Variants in SRPRB observed in about 807,000 individuals in gnomAD.
SRPRB encodes signal recognition particle receptor subunit beta.
Under a neutral mutation model 31.9 loss-of-function variants are expected in SRPRB, and 20 were observed. That is an observed-to-expected ratio of 0.63 (90% confidence interval 0.44 to 0.91). The LOEUF (loss-of-function observed/expected upper bound fraction) is 0.91, where lower values mean the gene tolerates loss of function less well. SRPRB is among the 40% of genes least tolerant of loss of function. SRPRB has a pLI of 0.00. For synonymous variants in SRPRB, 146 were observed against 132.8 expected, an observed-to-expected ratio of 1.10 and a Z score of -0.68; for missense variants, 321 against 324.9, an observed-to-expected ratio of 0.99 and a Z score of 0.09.
At chr3:133,798,513 T>C (rs1239583648) in intron 1 of SRPRB, among the ~76,000 whole-genome samples, 1 of 152,244 alleles carries the variant, frequency 6.6e-6, no homozygotes, top group Non-Finnish European at 1.5e-5. Flanking sequence ...TAATTGGAAC[T>C]CTGCCAATGC....
At chr3:133,796,481 A>G (rs1934975465) in intron 1 of SRPRB, 1 of 152,274 alleles carries the variant, frequency 6.6e-6, no homozygotes, top group African/African-American at 2.4e-5. Flanking sequence ...TGTCTTCTGT[A>G]TTTACATAGG....
intron 1 of SRPRB, chr3:133,795,310 T>A (rs1307032517): frequency 6.6e-6 from 1 of 152,210 alleles, no homozygotes; most frequent in Non-Finnish European, 1.5e-5. Flanking sequence ...CTGATAGTCA[T>A]AATAATAGTC....
intron 4 of SRPRB, 97 bp downstream of exon 4, chr3:133,811,296 T>C (rs1427897516): frequency 8.0e-7 from 1 of 1,250,490 alleles, no homozygotes; most frequent in Admixed American, 1.9e-5. Flanking sequence ...GGAGGCAGCA[T>C]GGTATCCTGT....
At chr3:133,809,725 G>A (rs1454442267) in intron 3 of SRPRB, among the ~76,000 whole-genome samples, 3 of 152,020 alleles carry the variant, frequency 2.0e-5, no homozygotes, top group Non-Finnish European at 2.9e-5. Flanking sequence ...TAAGTGTGAA[G>A]TACACACCAG....
At chr3:133,798,145 A>T (rs1935006570) in intron 1 of SRPRB, among the ~76,000 whole-genome samples, 1 of 152,230 alleles carries the variant, frequency 6.6e-6, no homozygotes, top group Non-Finnish European at 1.5e-5. Flanking sequence ...CAATTTGTAA[A>T]TATCTTTTTG....
intron 1 of SRPRB, chr3:133,793,943 A>G (rs898271703): frequency 1.3e-5 from 2 of 152,236 alleles, no homozygotes; most frequent in African/African-American, 4.8e-5. Context: ...ACAAAAATTA[A>G]TTAAATACCA....
chr3:133,805,070 A>G (rs1366344679), upstream of SRPRB, among the ~76,000 whole-genome samples: 1 of 152,232 alleles, frequency 6.6e-6, no homozygotes, highest in African/African-American at 2.4e-5. Context: ...CCGGCCACCC[A>G]GGTCCCATAA....
At chr3:133,791,448 T>A (rs1056701752) in intron 1 of SRPRB, 3 of 152,182 alleles carry the variant, frequency 2.0e-5, no homozygotes, top group African/African-American at 7.2e-5. Context: ...AGGGTAAGAA[T>A]TTCTTACCAG....
upstream of SRPRB, among the ~76,000 whole-genome samples, chr3:133,802,471 C>G (rs1935076434): frequency 6.6e-6 from 1 of 152,114 alleles, no homozygotes; most frequent in Non-Finnish European, 1.5e-5. Context: ...ACATTAGAAA[C>G]TATCTTCATG....
In SRPRB at chr3:133,819,986, C is replaced by T. The variant is rs115480128; in HGVS notation, c.*220C>T. ...TGCCTTTCAAACAAGTACCTTTTAT[C>T]TGATGCCTGTATCTTCCCTTTGTTA... On this transcript the variant is annotated 3_prime_UTR_variant, in exon 7 of 7. Transcript: ENST00000678299. 247 of 520,060 alleles carry T rather than the reference C, an allele frequency of 4.7e-4. No homozygotes were observed. In the African/African-American group the frequency reaches 4.9e-3, roughly 10 times the overall value. The allele number at this position is 520,060 out of a possible 1,614,324, so 32.2% of individuals were successfully genotyped here. A position where few individuals can be genotyped will look rare whatever the true frequency, so the allele number is the denominator to read the frequency against.
At chr3:133,819,178 C>T (rs1559893731) in intron 6 of SRPRB, among the ~76,000 whole-genome samples, 2 of 152,154 alleles carry the variant, frequency 1.3e-5, no homozygotes, top group African/African-American at 2.4e-5. Flanking sequence ...CCTATCTACC[C>T]ACACTTAACT....
At chr3:133,799,534 ATTATT>A (rs1326408396) in intron 1 of SRPRB, among the ~76,000 whole-genome samples, 1 of 152,212 alleles carries the variant, frequency 6.6e-6, no homozygotes, top group Non-Finnish European at 1.5e-5. Flanking sequence ...GAAAAAAATA[ATTATT>A]TTAATTTTGC....
chr3:133,811,258 C>T (rs367923898), intron 4 of SRPRB, 59 bp downstream of exon 4: 2 of 1,554,558 alleles, frequency 1.3e-6, no homozygotes, highest in African/African-American at 1.4e-5. Context: ...ATCAAAGCCA[C>T]TCATGTGATT....
chr3:133,801,726 T>C (rs1422939869), upstream of SRPRB, among the ~76,000 whole-genome samples: 3 of 152,144 alleles, frequency 2.0e-5, no homozygotes, highest in African/African-American at 7.2e-5. Context: ...ACAAGGGGTG[T>C]GTGCGTGTGT....
In SRPRB at chr3:133,805,872, G is replaced by A. The variant is rs1200819023; in HGVS notation, c.24G>A (p.Arg8=). ...CCATGGCTTCCGCGGACTCGCGCCG[G>A]GTGGCAGATGGCGGCGGTGCCGGGG... The part of the protein sequence containing the change: MASADSR[R]VADGGGAGGT... The change falls in exon 1 of 7, where the codon CGG becomes CGA. Residue 8 remains arginine, a synonymous_variant. Coordinates refer to ENST00000678299, the MANE Select transcript of SRPRB (RefSeq NM_001379313.1). The A allele has an allele frequency of 6.2e-7, 1 of 1,612,296 alleles. No homozygotes were observed. Among genetic ancestry groups the A allele is most frequent in the South Asian group, 1.1e-5 (1 of 90,810 alleles).
chr3:133,799,760 TAG>T (rs1935034743), intron 1 of SRPRB, among the ~76,000 whole-genome samples: 1 of 152,132 alleles, frequency 6.6e-6, no homozygotes, highest in Admixed American at 6.5e-5. Flanking sequence ...AAGAAGGATT[TAG>T]AAGTAGAAGA....
At chr3:133,796,816 G>A (rs1040429280) in intron 1 of SRPRB, among the ~76,000 whole-genome samples, 1 of 152,188 alleles carries the variant, frequency 6.6e-6, no homozygotes, top group Admixed American at 6.5e-5. Flanking sequence ...AAAAGTAGAG[G>A]TAGTAAATAA....
At chr3:133,825,204 G>A (rs1256334327), downstream of SRPRB, 1 of 152,196 alleles carries the variant, frequency 6.6e-6, no homozygotes, top group Non-Finnish European at 1.5e-5. Flanking sequence ...CTTCCATCTT[G>A]TGAAGGAATG....
At chr3:133,807,272 G>A in intron 2 of SRPRB, among the ~76,000 whole-genome samples, 1 of 41,748 alleles carries the variant, frequency 2.4e-5, no homozygotes. Context: ...TTTTTTTTTT[G>A]AGGGAGTGTC....
Sources: gnomAD v4.1 joint callset for allele counts (sites outside exome capture counted in the v4.1 genomes callset) on GRCh38, gnomAD v4.1.1 for gene constraint, MANE v1.5 for transcripts, NCBI Gene and HGNC (gene_info 2026-07-23, HGNC 2026-07-21) for gene names.